Variants in GAD1 observed in about 807,000 individuals in gnomAD.
The protein encoded by GAD1 is 67 kDa glutamic acid decarboxylase.
A neutral mutation model predicts 75.2 loss-of-function variants in GAD1; 35 were observed. That is an observed-to-expected ratio of 0.47 (90% CI 0.36 to 0.62). The LOEUF is 0.62. Among genes scored for constraint, GAD1 ranks in the 20% least tolerant of loss-of-function variants. The pLI, the probability that GAD1 is intolerant of heterozygous loss-of-function variation, is 0.00. For synonymous variants in GAD1, 257 were observed against 271.9 expected, an observed-to-expected ratio of 0.95 and a Z score of 0.54; for missense variants, 490 against 758.5, an observed-to-expected ratio of 0.65 and a Z score of 4.16.
At chr2:170,840,645 GAGGGAGGTAGGGA>G (rs144870480) in intron 6 of GAD1, among the ~76,000 whole-genome samples, 4 of 117,290 alleles carry the variant, frequency 3.4e-5, no homozygotes, top group African/African-American at 1.2e-4. Context: ...GGGAGGAAAG[GAGGGAGGTAGGGA>G]AGGGAGGGAG....
At chr2:170,816,034 C>G (rs904057813), upstream of GAD1, 3 of 138,036 alleles carry the variant, frequency 2.2e-5, no homozygotes, top group African/African-American at 8.3e-5. Flanking sequence ...GAAGGGGGAG[C>G]GGGCCAGGGC....
Position 170,818,615 on chromosome 2 carries a change from G to T in GAD1, c.24G>T (p.Ser8=), listed in dbSNP as rs772957525. Reference sequence around the variant, plus strand: ...TGATGGCGTCTTCGACCCCATCTTCGTCCGCAACCTCCTCGAACGCGGGAG... The same window carrying T: ...TGATGGCGTCTTCGACCCCATCTTCTTCCGCAACCTCCTCGAACGCGGGAG... MASSTPS[S]SATSSNAGAD... is the part of the protein sequence containing the mutation. The change falls in exon 2 of 17, where the codon TCG becomes TCT. Residue 8 remains serine (S), a synonymous_variant. Coordinates refer to ENST00000358196, the MANE Select transcript of GAD1 (RefSeq NM_000817.3). The surrounding 1 kb of genome is among the most constrained non-coding windows in gnomAD (Gnocchi z 5.9). 7.4e-6 allele frequency: 12 copies of T among 1,614,028 alleles called. No homozygotes were observed. Among genetic ancestry groups the T allele is most frequent in the Non-Finnish European group, 8.5e-6 (10 of 1,180,042 alleles).
chr2:170,829,580 G>C lies in GAD1; in HGVS notation c.251G>C (p.Arg84Pro), dbSNP rs200092679. The C allele has an allele frequency of 6.2e-7, 1 of 1,613,744 alleles. No homozygotes were observed. Among genetic ancestry groups the C allele is most frequent in the Non-Finnish European group, 8.5e-7 (1 of 1,180,044 alleles). ...CTGCTTTCCTGTGAAAACAGCGACCGGGATGCCCGCTTCCGGCGCACAGAG... is the reference window on the plus strand; with the variant it reads ...CTGCTTTCCTGTGAAAACAGCGACCCGGATGCCCGCTTCCGGCGCACAGAG... ...KNLLSCENSD[R>P]DARFRRTETD... Residue 84 changes from arginine to proline, a missense_variant, in exon 4 of 17, where the codon CGG (arginine) becomes CCG (proline). Physicochemically the swap from Arg to Pro is moderately radical, Grantham distance 103. This residue lies in a region of GAD1 where 165 missense variants were observed against 216.4 expected (regional missense o/e 0.76). Transcript: ENST00000358196.
chr2:170,821,809 C>CG (rs1701887988), intron 2 of GAD1: 3 of 496,980 alleles, frequency 6.0e-6, no homozygotes, highest in Non-Finnish European at 3.7e-6. Flanking sequence ...AGCTGCCGGG[C>CG]GGGGGTCGCT....
At chr2:170,821,785 G>C in intron 2 of GAD1, 1 of 455,728 alleles carries the variant, frequency 2.2e-6, no homozygotes, top group Non-Finnish European at 4.1e-6. Flanking sequence ...ACCCAACTCC[G>C]ACCCCACCTC....
chr2:170,839,431 T>C (rs1281284256), intron 6 of GAD1, among the ~76,000 whole-genome samples: 1 of 151,928 alleles, frequency 6.6e-6, no homozygotes, highest in Non-Finnish European at 1.5e-5. Flanking sequence ...CTGGCCAACA[T>C]GGTGAAACTC....
At position 170,826,916 on chromosome 2, in the gene GAD1, C is replaced by T. The variant is rs183607244; in HGVS notation, c.146-2559C>T. Among the ~76,000 whole-genome samples the T allele has an allele frequency of 1.8e-4, 28 of 152,300 alleles. 2 individuals are homozygous for T. Among genetic ancestry groups the T allele is most frequent in the Admixed American group, 1.6e-3 (25 of 15,292 alleles). On this transcript the variant is annotated intron_variant, in intron 3 of 16. Transcript: ENST00000358196. ...TCCCTCTGGCAAATGAGTGCTGGCT[C>T]CTGGCTCTGGACTTTGAGGATTTGG...
At chr2:170,820,222 G>A (rs922315845) in intron 2 of GAD1, among the ~76,000 whole-genome samples, 2 of 152,184 alleles carry the variant, frequency 1.3e-5, no homozygotes, top group Admixed American at 6.5e-5. Flanking sequence ...CTCCACTCCC[G>A]GCGCCCTTAC....
At position 170,845,591 on chromosome 2, in the gene GAD1, G is replaced by C; in HGVS notation, c.837G>C (p.Val279=). 2 of 1,614,180 alleles carry C rather than the reference G, an allele frequency of 1.2e-6. No homozygotes were observed. Among genetic ancestry groups the C allele is most frequent in the Non-Finnish European group, 8.5e-7 (1 of 1,180,034 alleles). The change falls in exon 8 of 17, where the codon GTG becomes GTC. Residue 279 remains valine (V), a synonymous_variant. Coordinates refer to ENST00000358196, the MANE Select transcript of GAD1 (RefSeq NM_000817.3). ...PEVKTKGMAA[V]PKLVLFTSEQ... is the part of the protein sequence containing the mutation. The stretch of plus-strand genomic sequence containing the variant: ...TTAAGACAAAGGGCATGGCGGCTGT[G>C]CCTAAACTGGTCCTCTTCACCTCAG...
At chr2:170,841,901 T>C (rs996565625) in intron 6 of GAD1, among the ~76,000 whole-genome samples, 3 of 152,222 alleles carry the variant, frequency 2.0e-5, no homozygotes, top group African/African-American at 7.2e-5. Flanking sequence ...CTCCTCAAGG[T>C]TGAGAATGGT....
chr2:170,836,123 T>G (rs1055401041), intron 5 of GAD1, among the ~76,000 whole-genome samples: 3 of 151,406 alleles, frequency 2.0e-5, no homozygotes, highest in African/African-American at 4.8e-5. Flanking sequence ...TTTTTTTTTT[T>G]TCAGAAGCAA....
At chr2:170,831,733 AAAT>A (rs941773625) in intron 5 of GAD1, among the ~76,000 whole-genome samples, 26 of 145,522 alleles carry the variant, frequency 1.8e-4, no homozygotes, top group South Asian at 4.2e-4. Flanking sequence ...AATAAATTAT[AAAT>A]AATAAATATA....
At position 170,853,948 on chromosome 2, in the gene GAD1, G is replaced by A. The variant is rs1432510263; in HGVS notation, c.1339G>A (p.Asp447Asn). ...AGACAAGCAGTATGATGTCTCCTACGACACCGGGGACAAGGCAATTCAGTG... is the reference window on the plus strand; with the variant it reads ...AGACAAGCAGTATGATGTCTCCTACAACACCGGGGACAAGGCAATTCAGTG... ...QPDKQYDVSY[D>N]TGDKAIQCGR... The change falls in exon 14 of 17, where the codon GAC becomes AAC. Residue 447 changes from aspartate (D) to asparagine (N), a missense_variant. Coordinates refer to ENST00000358196, the MANE Select transcript of GAD1 (RefSeq NM_000817.3). This position sits in a 1 kb window ranked among gnomAD's most constrained non-coding sequence, Gnocchi z 4.1. 2 of 1,614,032 alleles carry A rather than the reference G, an allele frequency of 1.2e-6. No individual in the cohort carries two copies. Among genetic ancestry groups the A allele is most frequent in the East Asian group, 2.2e-5 (1 of 44,870 alleles).
chr2:170,824,737 G>C (rs370960959), intron 3 of GAD1, among the ~76,000 whole-genome samples: 5 of 152,186 alleles, frequency 3.3e-5, no homozygotes, highest in African/African-American at 9.7e-5. Flanking sequence ...TAATCAGCTA[G>C]AAGAAACCCA....
chr2:170,821,406 G>A (rs898416613), intron 2 of GAD1, among the ~76,000 whole-genome samples: 1 of 152,130 alleles, frequency 6.6e-6, no homozygotes, highest in African/African-American at 2.4e-5. Context: ...CCAGACCCAA[G>A]ATGTCAGAGG....
chr2:170,857,123 G>A lies in GAD1; in HGVS notation c.1519G>A (p.Glu507Lys), dbSNP rs780328766. ...REEFEMVFNG[E>K]PEHTNVCFWY... is the part of the protein sequence containing the mutation. ...AGAATTTGAGATGGTTTTCAATGGC[G>A]AGGTAGGTAATCATCATGGACCAGG... Residue 507 changes from glutamate (E) to lysine (K), a missense_variant and splice_region_variant, in exon 15 of 17, where the codon GAG (glutamate) becomes AAG (lysine). By Grantham distance (56) the Glu-to-Lys change is moderately conservative. Coordinates refer to ENST00000358196, the MANE Select transcript of GAD1 (RefSeq NM_000817.3). 14 of 1,610,970 alleles carry A rather than the reference G, an allele frequency of 8.7e-6. No individual in the cohort carries two copies. The highest frequency in any genetic ancestry group is 3.3e-5 in the Admixed American group (2 of 59,998).
At chr2:170,821,915 G>A in intron 2 of GAD1, 172 bp from the exon 3 acceptor site, 1 of 665,208 alleles carries the variant, frequency 1.5e-6, no homozygotes, top group South Asian at 1.7e-5. Context: ...GGGGCTTAGA[G>A]TATATGCCTG....
At chr2:170,852,896 G>C in intron 13 of GAD1, 104 bp downstream of exon 13, 1 of 971,804 alleles carries the variant, frequency 1.0e-6, no homozygotes, top group Non-Finnish European at 1.6e-6. Flanking sequence ...TGACTCACGA[G>C]ATTGGCAGCC....
At chr2:170,825,365 G>T (rs1701998856) in intron 3 of GAD1, among the ~76,000 whole-genome samples, 1 of 152,134 alleles carries the variant, frequency 6.6e-6, no homozygotes. Context: ...CTCCAGTCTG[G>T]ACAACAGCAA....
Sources: gnomAD v4.1 joint callset for allele counts (sites outside exome capture counted in the v4.1 genomes callset) on GRCh38, gnomAD v4.1.1 for gene constraint, gnomAD v4.1.1 regional missense constraint, Gnocchi (gnomAD v3.1) non-coding constraint, MANE v1.5 for transcripts, NCBI Gene and HGNC (gene_info 2026-07-23, HGNC 2026-07-21) for gene names.